Variants in PRKG1 observed in about 807,000 individuals in gnomAD.
PRKG1 encodes the protein protein kinase cGMP-dependent 1.
Under a neutral mutation model 88.1 loss-of-function variants are expected in PRKG1, and 35 were observed. That is an observed-to-expected ratio of 0.40 (90% confidence interval 0.30 to 0.53). The LOEUF (loss-of-function observed/expected upper bound fraction) is 0.53. Ranked by LOEUF, PRKG1 falls within the 20% of genes least tolerant of loss-of-function variation. The probability of loss-of-function intolerance (pLI) is 0.59; values close to 1 mark genes in which losing one functional copy is unlikely to be tolerated. For missense variants in PRKG1, 540 were observed against 839.8 expected (o/e 0.64, Z 4.41); for synonymous variants, 303 against 292.5 (o/e 1.04, Z -0.37).
chr10:51,841,744 G>A (rs1192670827), intron 4 of PRKG1, among the ~76,000 whole-genome samples: 8 of 151,884 alleles, frequency 5.3e-5, no homozygotes, highest in Admixed American at 1.3e-4. Context: ...GTGCAGTGGC[G>A]CGATTTCAGC....
intron 3 of PRKG1, among the ~76,000 whole-genome samples, chr10:51,512,019 C>T (rs1308092737): frequency 6.6e-6 from 1 of 151,998 alleles, no homozygotes; most frequent in African/African-American, 2.4e-5. Context: ...AACTGTCAGT[C>T]ATAAAATAGT....
chr10:51,059,815 G>A (rs938321635), intron 1 of PRKG1, among the ~76,000 whole-genome samples: 2 of 152,036 alleles, frequency 1.3e-5, no homozygotes, highest in African/African-American at 4.8e-5. Context: ...TCTATGTAGT[G>A]TAATTAACTC....
chr10:52,057,439 A>G (rs1846136588), intron 6 of PRKG1, among the ~76,000 whole-genome samples: 1 of 152,196 alleles, frequency 6.6e-6, no homozygotes, highest in Non-Finnish European at 1.5e-5. Flanking sequence ...GTTGCCTGGA[A>G]ACGTGAGTTG....
chr10:51,541,930 A>G (rs10740288), intron 3 of PRKG1, among the ~76,000 whole-genome samples: 122,082 of 151,994 alleles, frequency 0.8, 49,796 homozygotes, highest in East Asian at 0.98. Context: ...AACAGGTTTG[A>G]ATAATTCTTT....
chr10:51,887,390 T>A (rs138521369), intron 4 of PRKG1, among the ~76,000 whole-genome samples: 1 of 152,340 alleles, frequency 6.6e-6, no homozygotes, highest in East Asian at 1.9e-4. Flanking sequence ...GGTGCAGATA[T>A]CTTTTCAAGA....
intron 3 of PRKG1, among the ~76,000 whole-genome samples, chr10:51,637,569 C>G (rs1839689556): frequency 1.3e-5 from 2 of 152,074 alleles, no homozygotes; most frequent in African/African-American, 2.4e-5. Flanking sequence ...ATATATACAC[C>G]ATGGAATACC....
rs180993166 is a variant in PRKG1, at chr10:51,313,309, C to T, written c.479-154414C>T. On this transcript the variant is annotated intron_variant, in intron 2 of 17. Coordinates refer to ENST00000373980, the MANE Select transcript of PRKG1 (RefSeq NM_006258.4). ...TTCTGGCTTCAATACATCTATTCCCCTTTCTAGATGAGTAAAGAGTAAGAT... is the reference window on the plus strand; with the variant it reads ...TTCTGGCTTCAATACATCTATTCCCTTTTCTAGATGAGTAAAGAGTAAGAT... 1.1e-3 allele frequency among the ~76,000 whole-genome samples: 174 copies of T among 152,246 alleles called. 1 individual carries two copies. The highest frequency in any genetic ancestry group is 3.9e-3 in the African/African-American group (164 of 41,542).
At chr10:51,723,230 C>T (rs1248020897) in intron 3 of PRKG1, among the ~76,000 whole-genome samples, 1 of 152,068 alleles carries the variant, frequency 6.6e-6, no homozygotes, top group Non-Finnish European at 1.5e-5. Context: ...ACCCAAATGC[C>T]CATGAATGAT....
At position 51,113,676 on chromosome 10, in the gene PRKG1, T is replaced by G. The variant is rs74131751; in HGVS notation, c.311+38775T>G. The stretch of plus-strand genomic sequence containing the variant: ...ATGTTGTATATAAGTAGAAAGGAAC[T>G]GTCTTAAGCATAAACCAGCCAAAGC... On this transcript the variant is annotated intron_variant, in intron 1 of 17. Transcript: ENST00000373980. 1.4e-3 allele frequency among the ~76,000 whole-genome samples: 212 copies of G among 148,876 alleles called. 1 individual carries two copies. The highest frequency in any genetic ancestry group is 5.0e-3 in the African/African-American group (203 of 40,200).
At chr10:51,660,979 T>TG (rs1840284219) in intron 3 of PRKG1, among the ~76,000 whole-genome samples, 1 of 152,118 alleles carries the variant, frequency 6.6e-6, no homozygotes, top group Non-Finnish European at 1.5e-5. Context: ...GGAACATAAA[T>TG]CACATATTAG....
intron 9 of PRKG1, among the ~76,000 whole-genome samples, chr10:52,245,513 T>C (rs1841000247): frequency 6.6e-6 from 1 of 152,080 alleles, no homozygotes; most frequent in South Asian, 2.1e-4. Flanking sequence ...AAATCCAGGG[T>C]AGACCTTGAT....
chr10:51,661,991 A>T (rs1289873777), intron 3 of PRKG1, among the ~76,000 whole-genome samples: 22 of 152,148 alleles, frequency 1.4e-4, no homozygotes, highest in Non-Finnish European at 3.2e-4. Flanking sequence ...AAAGCCAGAC[A>T]CCACATTTTC....
intron 5 of PRKG1, among the ~76,000 whole-genome samples, chr10:51,995,738 T>A (rs142642106): frequency 1.1e-3 from 170 of 152,288 alleles, no homozygotes; most frequent in African/African-American, 3.7e-3. Flanking sequence ...TCCATAATAT[T>A]TTAGCTCAGT....
intron 7 of PRKG1, among the ~76,000 whole-genome samples, chr10:52,091,878 T>C (rs1847064825): frequency 6.6e-6 from 1 of 152,216 alleles, no homozygotes; most frequent in South Asian, 2.1e-4. Context: ...GGTGCAGCAA[T>C]CCCAAATGTA....
At chr10:51,113,778 A>G (rs1177181451) in intron 1 of PRKG1, among the ~76,000 whole-genome samples, 1 of 150,976 alleles carries the variant, frequency 6.6e-6, no homozygotes, top group African/African-American at 2.4e-5. Context: ...TGAAAGCCTC[A>G]ATAAAAAAAT....
At chr10:52,118,013 A>G (rs987966757) in intron 7 of PRKG1, among the ~76,000 whole-genome samples, 1 of 152,118 alleles carries the variant, frequency 6.6e-6, no homozygotes, top group Non-Finnish European at 1.5e-5. Context: ...CAATCTTCCT[A>G]TACACAACAC....
At chr10:51,703,329 T>A (rs1841520885) in intron 3 of PRKG1, among the ~76,000 whole-genome samples, 1 of 152,184 alleles carries the variant, frequency 6.6e-6, no homozygotes, top group Non-Finnish European at 1.5e-5. Flanking sequence ...ATATTTTGAG[T>A]AATGACAGTC....
intron 2 of PRKG1, among the ~76,000 whole-genome samples, chr10:51,443,788 A>G (rs771397357): frequency 6.6e-5 from 10 of 152,018 alleles, no homozygotes; most frequent in Non-Finnish European, 8.8e-5. Context: ...ATCCTGGTTT[A>G]CATAACCTGG....
chr10:51,409,105 C>T (rs1050658253), intron 2 of PRKG1, among the ~76,000 whole-genome samples: 1 of 152,166 alleles, frequency 6.6e-6, no homozygotes, highest in African/African-American at 2.4e-5. Flanking sequence ...ACAGTTCTGC[C>T]CACTGGGAAG....
Sources: allele counts gnomAD v4.1 joint callset (sites outside exome capture counted in the v4.1 genomes callset), GRCh38; gene constraint gnomAD v4.1.1; transcripts MANE v1.5; gene names NCBI Gene and HGNC (gene_info 2026-07-23, HGNC 2026-07-21).